TAFA4: variants seen among roughly 807,000 people sequenced by gnomAD.
The protein encoded by TAFA4 is TAFA chemokine like family member 4, also known as chemokine-like protein TAFA-4.
Under a neutral mutation model 21.1 loss-of-function variants are expected in TAFA4, and 20 were observed. That is an observed-to-expected ratio of 0.95 (90% CI 0.67 to 1.38). The LOEUF (loss-of-function observed/expected upper bound fraction) is 1.38, where lower values mean the gene tolerates loss of function less well. Ranked by LOEUF, TAFA4 falls within the 40% of genes most tolerant of loss-of-function variation. The pLI is 0.00. For missense variants in TAFA4, 211 were observed against 180.9 expected, an observed-to-expected ratio of 1.17 and a Z score of -0.95; for synonymous variants, 71 against 67.4, an observed-to-expected ratio of 1.05 and a Z score of -0.26.
chr3:68,763,869 T>TACACACACACACACACACACACAC (rs147436920), intron 3 of TAFA4, among the ~76,000 whole-genome samples: 127 of 147,344 alleles, frequency 8.6e-4, no homozygotes, highest in Admixed American at 2.0e-3. Flanking sequence ...TATGACAGAC[T>TACACACACACACACACACACACAC]ACACACACAC....
intron 3 of TAFA4, among the ~76,000 whole-genome samples, chr3:68,796,900 A>G (rs1382196450): frequency 6.6e-6 from 1 of 152,324 alleles, no homozygotes; most frequent in Middle Eastern, 3.4e-3. Context: ...ATCACTAATC[A>G]CAAGGGAAAT....
In TAFA4 at chr3:68,832,688, C is replaced by T. The variant is rs367950143; in HGVS notation, c.130+48042G>A. On this transcript the variant is annotated intron_variant, in intron 3 of 5. Coordinates refer to ENST00000295569, the MANE Select transcript of TAFA4 (RefSeq NM_182522.5). ...TCTGTCCATTATCAGAGCTTGAATG[C>T]CATGCTGGGAGAAACACTGCTCTCT... 3.3e-5 allele frequency among the ~76,000 whole-genome samples: 5 copies of T among 152,324 alleles called. No individual in the cohort carries two copies. In the South Asian group the frequency reaches 1.0e-3, roughly 32 times the overall value.
chr3:68,846,798 T>C (rs1425295763), intron 3 of TAFA4, among the ~76,000 whole-genome samples: 1 of 152,136 alleles, frequency 6.6e-6, no homozygotes, highest in Non-Finnish European at 1.5e-5. Context: ...TCTGCTGGAA[T>C]TTGCTGGAGG....
chr3:68,737,852 C>T (rs1021728345), intron 5 of TAFA4, among the ~76,000 whole-genome samples: 1 of 152,102 alleles, frequency 6.6e-6, no homozygotes, highest in Non-Finnish European at 1.5e-5. Flanking sequence ...GATCAAAGCT[C>T]AATAGCAATG....
intron 2 of TAFA4, among the ~76,000 whole-genome samples, chr3:68,882,149 GT>G: frequency 6.6e-6 from 1 of 152,246 alleles, no homozygotes; most frequent in South Asian, 2.1e-4. Flanking sequence ...CTTTTAAACT[GT>G]TTCAAAATGG....
At position 68,752,868 on chromosome 3, in the gene TAFA4, A is replaced by G. The variant is rs1427128133; in HGVS notation, c.281T>C (p.Val94Ala). The G allele has an allele frequency of 4.3e-6, 7 of 1,614,106 alleles. No homozygotes were observed. Among genetic ancestry groups the G allele is most frequent in the South Asian group, 1.1e-5 (1 of 91,076 alleles). The change falls in exon 4 of 6, where the codon GTT becomes GCT. Residue 94 changes from valine (V) to alanine (A), a missense_variant. Physicochemically the swap from Val to Ala is moderately conservative, Grantham distance 64 (BLOSUM62 0). Transcript: ENST00000295569. ...GCTGACCAGAGAGGTCTTACCTTCA[A>G]CACAAGAAGGTTGAGCCCGAGTTGT... is the stretch of plus-strand genomic sequence containing the variant. ...AGTTRAQPSC[V>A]EASIVIQKWW...
At chr3:68,926,388 AT>A in intron 1 of TAFA4, among the ~76,000 whole-genome samples, 1 of 152,194 alleles carries the variant, frequency 6.6e-6, no homozygotes, top group East Asian at 1.9e-4. Context: ...CAATGTTTGA[AT>A]TTTTCTACCC....
At chr3:68,864,079 TAAAAG>T (rs2089386162) in intron 3 of TAFA4, among the ~76,000 whole-genome samples, 2 of 151,852 alleles carry the variant, frequency 1.3e-5, no homozygotes, top group African/African-American at 2.4e-5. Flanking sequence ...GTAAAATACA[TAAAAG>T]AACAAACTAG....
chr3:68,931,476 C>A (rs1182366265), intron 1 of TAFA4, among the ~76,000 whole-genome samples: 1 of 152,192 alleles, frequency 6.6e-6, no homozygotes, highest in South Asian at 2.1e-4. Flanking sequence ...TCACCAGGTG[C>A]AGGAGATCAA....
intron 3 of TAFA4, among the ~76,000 whole-genome samples, chr3:68,865,529 A>G (rs940038822): frequency 6.6e-6 from 1 of 152,096 alleles, no homozygotes; most frequent in African/African-American, 2.4e-5. Flanking sequence ...CATGTAAAAC[A>G]TGCCTTTTCT....
intron 3 of TAFA4, among the ~76,000 whole-genome samples, chr3:68,869,963 A>G (rs1414435189): frequency 6.6e-6 from 1 of 152,104 alleles, no homozygotes; most frequent in Non-Finnish European, 1.5e-5. Context: ...GAAAAGCCTA[A>G]AGATTCCAAC....
intron 4 of TAFA4, among the ~76,000 whole-genome samples, chr3:68,743,532 C>T (rs1427161214): frequency 1.6e-4 from 24 of 149,584 alleles, no homozygotes; most frequent in African/African-American, 5.7e-4. Flanking sequence ...GCCGAGATCG[C>T]GCCACTGCAT....
At chr3:68,777,758 T>C (rs1447976377) in intron 3 of TAFA4, among the ~76,000 whole-genome samples, 1 of 152,134 alleles carries the variant, frequency 6.6e-6, no homozygotes, top group Non-Finnish European at 1.5e-5. Context: ...ACATAGACAA[T>C]GGTGGAAGTA....
intron 3 of TAFA4, among the ~76,000 whole-genome samples, chr3:68,834,753 C>G (rs1704483513): frequency 6.6e-6 from 1 of 152,094 alleles, no homozygotes; most frequent in Admixed American, 6.6e-5. Flanking sequence ...ACTCTCCACC[C>G]CATCTGTCAG....
chr3:68,839,728 G>T (rs1283584400), intron 3 of TAFA4, among the ~76,000 whole-genome samples: 1 of 152,138 alleles, frequency 6.6e-6, no homozygotes, highest in African/African-American at 2.4e-5. Flanking sequence ...GAGATGAGTT[G>T]ATCCTTCACT....
At chr3:68,739,268 C>A in intron 4 of TAFA4, 69 bp from the exon 5 acceptor site, 1 of 1,572,568 alleles carries the variant, frequency 6.4e-7, no homozygotes, top group Non-Finnish European at 8.7e-7. Flanking sequence ...AAATAAAACT[C>A]AATACAGAGT....
chr3:68,850,106 T>A (rs1294171442), intron 3 of TAFA4, among the ~76,000 whole-genome samples: 1 of 152,178 alleles, frequency 6.6e-6, no homozygotes, highest in Non-Finnish European at 1.5e-5. Context: ...TACCCTCCTC[T>A]TCCTCAAATA....
At chr3:68,867,283 C>A (rs1474623370) in intron 3 of TAFA4, among the ~76,000 whole-genome samples, 3 of 152,006 alleles carry the variant, frequency 2.0e-5, no homozygotes, top group Non-Finnish European at 4.4e-5. Flanking sequence ...ACAACATATT[C>A]AAACTGCTAA....
At chr3:68,831,091 T>C (rs1054909529) in intron 3 of TAFA4, among the ~76,000 whole-genome samples, 12 of 152,240 alleles carry the variant, frequency 7.9e-5, no homozygotes, top group Admixed American at 6.5e-4. Flanking sequence ...TCTTTATATA[T>C]GAGATTGGTC....
Sources: gnomAD v4.1 joint callset for allele counts (sites outside exome capture counted in the v4.1 genomes callset) on GRCh38, gnomAD v4.1.1 for gene constraint, MANE v1.5 for transcripts, NCBI Gene and HGNC (gene_info 2026-07-23, HGNC 2026-07-21) for gene names.